The following KREMEN2 variants were observed in gnomAD, a reference collection of about 807,000 sequenced individuals.
KREMEN2 encodes kremen protein 2.
A neutral mutation model predicts 49.8 loss-of-function variants in KREMEN2; 43 were observed. The ratio of observed to expected loss-of-function variants is 0.86; its 90% CI spans 0.68 to 1.11. The LOEUF is 1.11. Among genes scored for constraint, KREMEN2 ranks in the 50% most tolerant of loss-of-function variants. The pLI, the probability that KREMEN2 is intolerant of heterozygous loss-of-function variation, is 0.00. For synonymous variants in KREMEN2, 355 were observed against 304.9 expected (o/e 1.16, Z -1.71); for missense variants, 686 against 665.7 (o/e 1.03, Z -0.34).
In KREMEN2 at chr16:2,968,367, G is replaced by C. The variant is rs7203357; in HGVS notation, c.*347G>C. 7.2e-6 allele frequency: 11 copies of C among 1,535,444 alleles called. No individual in the cohort carries two copies. In the East Asian group the frequency reaches 2.7e-4, roughly 38 times the overall value. ...AAACCCCCACAGATTTTGAATAAAG[G>C]ATCTACTTTGGTACGGGCCTCGAAA... On this transcript the variant is annotated 3_prime_UTR_variant, in exon 9 of 9. Transcript: ENST00000303746.
Position 2,964,970 on chromosome 16 carries a change from A to G in KREMEN2, c.206A>G (p.His69Arg), listed in dbSNP as rs202235486. The change falls in exon 2 of 9, where the codon CAC becomes CGC. Residue 69 changes from histidine (H) to arginine (R), a missense_variant. Transcript: ENST00000303746. Reference protein sequence around the residue: ...PCLFWDQTQQHSYSSASDPHG... With the variant: ...PCLFWDQTQQRSYSSASDPHG... ...CTCTTCTGGGACCAGACGCAGCAAC[A>G]CAGCTACAGCAGCGCCAGCGACCCC... 1.3e-6 allele frequency: 2 copies of G among 1,581,914 alleles called. No homozygotes were observed. The highest frequency in any genetic ancestry group is 2.7e-5 in the African/African-American group (2 of 73,756).
intron 8 of KREMEN2, 78 bp from the exon 9 acceptor site, chr16:2,967,720 CCACGCACAGGAT>C (rs1273685866): frequency 7.8e-6 from 12 of 1,546,738 alleles, no homozygotes; most frequent in Non-Finnish European, 1.0e-5. Flanking sequence ...GGCTTTGGGT[CCACGCACAGGAT>C]CGCGCGCGGG....
rs752973644 is a variant in KREMEN2 at position 2,966,396 on chromosome 16, A to G, written c.433A>G (p.Thr145Ala). ...PALSGPSGTS[T>A]KLTVQVCLRF... is the part of the protein sequence containing the mutation. ...CCTCAGCGGCCCCAGCGGCACCTCC[A>G]CGAAGCTCACGGTCCAGGTGTGCCT... Residue 145 changes from threonine (T) to alanine (A), a missense_variant, in exon 4 of 9, where the codon ACG (threonine) becomes GCG (alanine). Thr to Ala is a moderately conservative substitution (Grantham distance 58, BLOSUM62 0). Transcript: ENST00000303746. This position sits in a 1 kb window ranked among gnomAD's most constrained non-coding sequence, Gnocchi z 8.4. 1.6e-5 allele frequency: 25 copies of G among 1,611,210 alleles called. No homozygotes were observed. In the Admixed American group the frequency reaches 4.0e-4, roughly 26 times the overall value.
In KREMEN2 at chr16:2,967,589, G is replaced by C; in HGVS notation, c.1163G>C (p.Arg388Pro). 1 of 1,527,618 alleles carries C rather than the reference G, an allele frequency of 6.5e-7. No homozygotes were observed. The allele number at this position is 1,527,618 out of a possible 1,614,324, so 94.6% of individuals were successfully genotyped here. ...VLLLLLLGLL[R>P]PLRRRSCLLA... ...CTGCTGCTGCTCCTGGGGCTGCTGC[G>C]TCCGCTGCGCCGACGGTGCGGGGCG... is the stretch of plus-strand genomic sequence containing the variant. Residue 388 changes from arginine (R) to proline (P), a missense_variant, in exon 8 of 9, where the codon CGT becomes CCT. Transcript: ENST00000303746.
In KREMEN2 at chr16:2,966,449, GGTACTGC is replaced by G; in HGVS notation, c.486+1_486+7del. Reference sequence around the variant, plus strand: ...GCTTCTGCCGCATGAAGGGGTACCAGGTACTGCTCACGGGCCCAGACCAGTGACCCCT... The same window carrying G: ...GCTTCTGCCGCATGAAGGGGTACCAGTCACGGGCCCAGACCAGTGACCCCT... On this transcript the variant is annotated splice_donor_variant and splice_donor_5th_base_variant and intron_variant, in intron 4 of 8. Coordinates refer to ENST00000303746, the MANE Select transcript of KREMEN2 (RefSeq NM_172229.3). LOFTEE classifies it high-confidence loss of function. This position sits in a 1 kb window ranked among gnomAD's most constrained non-coding sequence, Gnocchi z 8.4. The G allele has an allele frequency of 6.2e-7, 1 of 1,610,274 alleles. No homozygotes were observed. Among genetic ancestry groups the G allele is most frequent in the Non-Finnish European group, 8.5e-7 (1 of 1,179,872 alleles).
Position 2,967,138 on chromosome 16 carries a change from G to A in KREMEN2, c.869G>A (p.Arg290His), listed in dbSNP as rs1430808642. 1.4e-6 allele frequency: 2 copies of A among 1,401,172 alleles called. No individual in the cohort carries two copies. The highest frequency in any genetic ancestry group is 1.8e-6 in the Non-Finnish European group (2 of 1,085,910). 86.8% of individuals were successfully genotyped at this position (1,401,172 alleles called of 1,614,324 possible). Residue 290 changes from arginine (R) to histidine (H), a missense_variant, in exon 6 of 9, where the codon CGC becomes CAC. Physicochemically the swap from Arg to His is conservative, Grantham distance 29 (BLOSUM62 0). Transcript: ENST00000303746. ...CTGCTCCGCGCCTTCGATGGCGCCC[G>A]CCCACCGCCGTCCGGGCCGCTGCGC... is the stretch of plus-strand genomic sequence containing the variant. Reference protein sequence around the residue: ...GSLLRAFDGARPPPSGPLRLG... With the variant: ...GSLLRAFDGAHPPPSGPLRLG...
chr16:2,966,359 G>A lies in KREMEN2; in HGVS notation c.396G>A (p.Gly132=), dbSNP rs1179547913. 1 of 1,611,866 alleles carries A rather than the reference G, an allele frequency of 6.2e-7. No individual in the cohort carries two copies. The highest frequency in any genetic ancestry group is 8.5e-7 in the Non-Finnish European group (1 of 1,179,994). ...ACCTGGGATGCTTTGTGGACTCAGG[G>A]GCACCCCCAGCCCTCAGCGGCCCCA... ...PGYLGCFVDS[G]APPALSGPSG... The change falls in exon 4 of 9, where the codon GGG becomes GGA. Residue 132 remains glycine, a synonymous_variant. Transcript: ENST00000303746. This position sits in a 1 kb window ranked among gnomAD's most constrained non-coding sequence, Gnocchi z 8.4.
chr16:2,968,003 C>G lies in KREMEN2; in HGVS notation c.1372C>G (p.Leu458Val). Residue 458 changes from leucine to valine, a missense_variant, in exon 9 of 9, where the codon CTC becomes GTC. Physicochemically the swap from Leu to Val is conservative, Grantham distance 32 (BLOSUM62 1). Coordinates refer to ENST00000303746, the MANE Select transcript of KREMEN2 (RefSeq NM_172229.3). ...SASSQSSLRS[L>V]ISAL The stretch of plus-strand genomic sequence containing the variant: ...CTCCAGCCAGAGCTCCCTGCGCTCG[C>G]TCATCTCCGCTCTCTGACTCTGGGC... The G allele has an allele frequency of 6.4e-7, 1 of 1,563,060 alleles. No homozygotes were observed. The highest frequency in any genetic ancestry group is 8.6e-7 in the Non-Finnish European group (1 of 1,160,802).
rs2071885004 is a variant in KREMEN2 at position 2,968,380 on chromosome 16, A to G, written c.*360A>G. 4.6e-6 allele frequency: 7 copies of G among 1,535,674 alleles called. No individual in the cohort carries two copies. In the South Asian group the frequency reaches 8.3e-5, roughly 18 times the overall value. Reference sequence around the variant, plus strand: ...TTTTGAATAAAGGATCTACTTTGGTACGGGCCTCGAAAGTTCTTCCGTGGT... The same window carrying G: ...TTTTGAATAAAGGATCTACTTTGGTGCGGGCCTCGAAAGTTCTTCCGTGGT... On this transcript the variant is annotated 3_prime_UTR_variant, in exon 9 of 9. Coordinates refer to ENST00000303746, the MANE Select transcript of KREMEN2 (RefSeq NM_172229.3).
rs765385344 is a variant in KREMEN2 at position 2,966,174 on chromosome 16, G to A, written c.304G>A (p.Val102Met). 36 of 1,612,516 alleles carry A rather than the reference G, an allele frequency of 2.2e-5. No homozygotes were observed. The highest frequency in any genetic ancestry group is 3.1e-5 in the Non-Finnish European group (36 of 1,180,006). Residue 102 changes from valine to methionine, a missense_variant, in exon 3 of 9, where the codon GTG becomes ATG. By Grantham distance (21) the Val-to-Met change is conservative (BLOSUM62 1). Coordinates refer to ENST00000303746, the MANE Select transcript of KREMEN2 (RefSeq NM_172229.3). The surrounding 1 kb of genome is among the most constrained non-coding windows in gnomAD (Gnocchi z 8.4). ...CGGTGACGTGCAGCCGTGGTGCTAC[G>A]TGGCTGAGACAGAGGAGGGCATCTA... The part of the protein sequence containing the change: ...PDGDVQPWCY[V>M]AETEEGIYWR...
In KREMEN2 at chr16:2,967,954, C is replaced by G; in HGVS notation, c.1323C>G (p.Ala441=). Reference sequence around the variant, plus strand: ...GGGACCCCCAGGCTGAGGGTTCTGCCGCGGGCTACCGGCCTCTGAGTGCCT... The same window carrying G: ...GGGACCCCCAGGCTGAGGGTTCTGCGGCGGGCTACCGGCCTCTGAGTGCCT... ...SPGDPQAEGS[A]AGYRPLSASS... Residue 441 remains alanine (A), a synonymous_variant, in exon 9 of 9, where the codon GCC becomes GCG. Coordinates refer to ENST00000303746, the MANE Select transcript of KREMEN2 (RefSeq NM_172229.3). The G allele has an allele frequency of 6.3e-6, 10 of 1,585,496 alleles. No homozygotes were observed. The highest frequency in any genetic ancestry group is 8.6e-6 in the Non-Finnish European group (10 of 1,169,114).
At position 2,966,406 on chromosome 16, in the gene KREMEN2, C is replaced by T. The variant is rs1228413707; in HGVS notation, c.443C>T (p.Thr148Met). 1.2e-6 allele frequency: 2 copies of T among 1,611,218 alleles called. No homozygotes were observed. The highest frequency in any genetic ancestry group is 8.5e-7 in the Non-Finnish European group (1 of 1,180,012). ...SGPSGTSTKLTVQVCLRFCRM... is the reference protein window; with the variant it reads ...SGPSGTSTKLMVQVCLRFCRM... ...CCCAGCGGCACCTCCACGAAGCTCA[C>T]GGTCCAGGTGTGCCTACGCTTCTGC... is the stretch of plus-strand genomic sequence containing the variant. Residue 148 changes from threonine (T) to methionine (M), a missense_variant, in exon 4 of 9, where the codon ACG (threonine) becomes ATG (methionine). Transcript: ENST00000303746. The surrounding 1 kb of genome is among the most constrained non-coding windows in gnomAD (Gnocchi z 8.4).
rs1375409328 is a variant in KREMEN2, at chr16:2,967,143, C to T, written c.874C>T (p.Pro292Ser). The T allele has an allele frequency of 2.9e-6, 4 of 1,397,586 alleles. No individual in the cohort carries two copies. The highest frequency in any genetic ancestry group is 3.7e-6 in the Non-Finnish European group (4 of 1,084,318). 86.6% of individuals were successfully genotyped at this position (1,397,586 alleles called of 1,614,324 possible). The change falls in exon 6 of 9, where the codon CCG becomes TCG. Residue 292 changes from proline (P) to serine (S), a missense_variant. Coordinates refer to ENST00000303746, the MANE Select transcript of KREMEN2 (RefSeq NM_172229.3). ...CCGCGCCTTCGATGGCGCCCGCCCA[C>T]CGCCGTCCGGGCCGCTGCGCCTGGG... ...LLRAFDGARP[P>S]PSGPLRLGTA... is the part of the protein sequence containing the mutation.
rs905390084 is a variant in KREMEN2 at position 2,964,344 on chromosome 16, A to C, written c.-177A>C. ...CGCCTCTAGGGGCAGAGGCCCTGGG[A>C]GGCAAAGACCCCCAGGAGAGATTTA... is the stretch of plus-strand genomic sequence containing the variant. On this transcript the variant is annotated 5_prime_UTR_variant, in exon 1 of 9. Coordinates refer to ENST00000303746, the MANE Select transcript of KREMEN2 (RefSeq NM_172229.3). The C allele has an allele frequency of 4.0e-6, 2 of 504,730 alleles. No individual in the cohort carries two copies. The highest frequency in any genetic ancestry group is 4.0e-5 in the African/African-American group (2 of 49,516). The allele number at this position is 504,730 out of a possible 1,614,324, so 31.3% of individuals were successfully genotyped here. A position where few individuals can be genotyped will look rare whatever the true frequency, so the allele number is the denominator to read the frequency against.
intron 2 of KREMEN2, among the ~76,000 whole-genome samples, chr16:2,965,563 A>G (rs2071801767): frequency 6.6e-6 from 1 of 152,162 alleles, no homozygotes; most frequent in Admixed American, 6.5e-5. Flanking sequence ...TGAGGTCAGG[A>G]GTTCGAGACC....
chr16:2,967,729 G>T, intron 8 of KREMEN2, 81 bp from the exon 9 acceptor site: 1 of 1,546,614 alleles, frequency 6.5e-7, no homozygotes, highest in Non-Finnish European at 8.7e-7. Context: ...TCCACGCACA[G>T]GATCGCGCGC....
chr16:2,967,428 C>T lies in KREMEN2; in HGVS notation c.1082C>T (p.Pro361Leu). ...AGCTGCAGCCCCAGGCCTGGGGCTC[C>T]GCCGGCCGCGATTGGGGGTGAGGCG... ...NVSCSPRPGA[P>L]PAAIGARVFS... The change falls in exon 7 of 9, where the codon CCG becomes CTG. Residue 361 changes from proline (P) to leucine (L), a missense_variant. By Grantham distance (98) the Pro-to-Leu change is moderately conservative. Coordinates refer to ENST00000303746, the MANE Select transcript of KREMEN2 (RefSeq NM_172229.3). The T allele has an allele frequency of 7.1e-7, 1 of 1,402,132 alleles. No homozygotes were observed. The highest frequency in any genetic ancestry group is 9.2e-7 in the Non-Finnish European group (1 of 1,089,300). The allele number at this position is 1,402,132 out of a possible 1,614,324, so 86.9% of individuals were successfully genotyped here. A position where few individuals can be genotyped will look rare whatever the true frequency, so the allele number is the denominator to read the frequency against.
In KREMEN2 at chr16:2,966,606, GC is replaced by G. The variant is rs1304567229; in HGVS notation, c.487-32del. ...CCCCCACCACTTCACCCCTACCCCA[GC>G]CCCTGCCCTGGGGTCACCCAGTCTG... On this transcript the variant is annotated intron_variant, in intron 4 of 8. Transcript: ENST00000303746. The surrounding 1 kb of genome is among the most constrained non-coding windows in gnomAD (Gnocchi z 8.4). 3.1e-6 allele frequency: 5 copies of G among 1,597,324 alleles called. 1 individual carries two copies. The highest frequency in any genetic ancestry group is 4.3e-6 in the Non-Finnish European group (5 of 1,175,878).
At position 2,967,023 on chromosome 16, in the gene KREMEN2, C is replaced by T. The variant is rs2071838322; in HGVS notation, c.754C>T (p.Pro252Ser). 1 of 1,545,436 alleles carries T rather than the reference C, an allele frequency of 6.5e-7. No homozygotes were observed. The change falls in exon 6 of 9, where the codon CCA (proline) becomes TCA (serine). Residue 252 changes from proline (P) to serine (S), a missense_variant. Physicochemically the swap from Pro to Ser is moderately conservative, Grantham distance 74. Transcript: ENST00000303746. The part of the protein sequence containing the change: ...DRNCSWALGP[P>S]GAALELTFRL... ...GAACTGCAGCTGGGCCCTGGGCCCGCCAGGCGCCGCGCTGGAGCTCACCTT... is the reference window on the plus strand; with the variant it reads ...GAACTGCAGCTGGGCCCTGGGCCCGTCAGGCGCCGCGCTGGAGCTCACCTT...
Sources: gnomAD v4.1 joint callset for allele counts (sites outside exome capture counted in the v4.1 genomes callset) on GRCh38, gnomAD v4.1.1 for gene constraint, Gnocchi (gnomAD v3.1) non-coding constraint, MANE v1.5 for transcripts, NCBI Gene and HGNC (gene_info 2026-07-23, HGNC 2026-07-21) for gene names.